Variants in RNF144B observed in about 807,000 individuals in gnomAD.
RNF144B encodes the protein E3 ubiquitin-protein ligase RNF144B.
In RNF144B, 25 loss-of-function variants were observed where a neutral mutation model predicts 40.2. That is an observed-to-expected ratio of 0.62 (90% confidence interval 0.45 to 0.87). The LOEUF is 0.87. Ranked by LOEUF, RNF144B falls within the 40% of genes least tolerant of loss-of-function variation. RNF144B has a pLI of 0.00. For missense variants in RNF144B, 365 were observed against 373.7 expected, an observed-to-expected ratio of 0.98 and a Z score of 0.19; for synonymous variants, 145 against 136.3, an observed-to-expected ratio of 1.06 and a Z score of -0.44.
chr6:18,417,722 AAG>A (rs1165841244), intron 2 of RNF144B, among the ~76,000 whole-genome samples: 1 of 152,184 alleles, frequency 6.6e-6, no homozygotes, highest in African/African-American at 2.4e-5. Context: ...ACAAAAGAAA[AAG>A]CAGATAAATT....
At position 18,443,799 on chromosome 6, in the gene RNF144B, T is replaced by C. The variant is rs1158883855; in HGVS notation, c.331+4055T>C. 6.6e-6 allele frequency among the ~76,000 whole-genome samples: 1 copy of C among 152,134 alleles called. No individual in the cohort carries two copies. Among genetic ancestry groups the C allele is most frequent in the African/African-American group, 2.4e-5 (1 of 41,420 alleles). On this transcript the variant is annotated intron_variant, in intron 4 of 7. Coordinates refer to ENST00000259939, the MANE Select transcript of RNF144B (RefSeq NM_182757.4). The surrounding 1 kb of genome is among the most constrained non-coding windows in gnomAD (Gnocchi z 4.7). ...CGAGACCTTCATCAGCTAGGTGACT[T>C]TGAGACTATGTTGTGAATATATATT...
At chr6:18,421,742 C>T (rs949122909) in intron 2 of RNF144B, among the ~76,000 whole-genome samples, 1 of 152,134 alleles carries the variant, frequency 6.6e-6, no homozygotes, top group Non-Finnish European at 1.5e-5. Context: ...TACACCTTTG[C>T]ACGCAGTTTG....
intron 2 of RNF144B, among the ~76,000 whole-genome samples, chr6:18,403,489 T>C (rs1011878879): frequency 6.6e-6 from 1 of 152,232 alleles, no homozygotes; most frequent in East Asian, 1.9e-4. Flanking sequence ...TTGCCTTTTT[T>C]CCATTACGTT....
chr6:18,399,775 T>C, intron 2 of RNF144B, 76 bp downstream of exon 2: 2 of 1,237,606 alleles, frequency 1.6e-6, no homozygotes. Context: ...ATTTCTGTGG[T>C]TTACTGAGAA....
chr6:18,389,154 G>A (rs1209804785), intron 1 of RNF144B, among the ~76,000 whole-genome samples: 3 of 152,136 alleles, frequency 2.0e-5, no homozygotes, highest in Non-Finnish European at 4.4e-5. Context: ...TCTTTGTGCT[G>A]AGTCCCAAAG....
chr6:18,418,380 T>C lies in RNF144B; in HGVS notation c.166-9201T>C, dbSNP rs1392351876. ...GTGGTATATTCACACAATGGCATAC[T>C]ATTCAGCAATAAAATAAATGAAGTA... On this transcript the variant is annotated intron_variant, in intron 2 of 7. Transcript: ENST00000259939. The surrounding 1 kb of genome is among the most constrained non-coding windows in gnomAD (Gnocchi z 5.2). Among the ~76,000 whole-genome samples, 1 of 152,248 alleles carries C rather than the reference T, an allele frequency of 6.6e-6. No homozygotes were observed. The highest frequency in any genetic ancestry group is 1.9e-4 in the East Asian group (1 of 5,202).
At chr6:18,408,016 A>G (rs1429536145) in intron 2 of RNF144B, among the ~76,000 whole-genome samples, 1 of 110,934 alleles carries the variant, frequency 9.0e-6, no homozygotes, top group Non-Finnish European at 1.8e-5. Context: ...ACAGAATCTC[A>G]TTTTGTTGCC....
At chr6:18,437,291 T>C (rs1758846194) in intron 3 of RNF144B, among the ~76,000 whole-genome samples, 1 of 151,988 alleles carries the variant, frequency 6.6e-6, no homozygotes, top group African/African-American at 2.4e-5. Context: ...ATTAAGAAAT[T>C]AGCCAGTTAT....
At chr6:18,387,709 G>T in intron 1 of RNF144B, 79 bp downstream of exon 1, 1 of 1,181,174 alleles carries the variant, frequency 8.5e-7, no homozygotes, top group Non-Finnish European at 1.1e-6. Context: ...AAAAGGACAG[G>T]AAACTCACTG....
intron 4 of RNF144B, among the ~76,000 whole-genome samples, chr6:18,449,968 A>C (rs10456827): frequency 0.12 from 17,601 of 152,210 alleles, 1,172 homozygotes; most frequent in Admixed American, 0.19. Context: ...GGAAAAACAA[A>C]TTGTATAAGT....
intron 4 of RNF144B, among the ~76,000 whole-genome samples, chr6:18,453,757 T>C (rs763121032): frequency 2.6e-5 from 4 of 152,244 alleles, no homozygotes; most frequent in Non-Finnish European, 5.9e-5. Context: ...GAAAAGACTT[T>C]AAAAGTCATC....
rs1759591760 is a variant in RNF144B at position 18,467,350 on chromosome 6, GA to G, written c.*2284del. 6.6e-6 allele frequency: 1 copy of G among 151,104 alleles called. No homozygotes were observed. 9.4% of individuals were successfully genotyped at this position (151,104 alleles called of 1,614,324 possible). ...ATATGTGCTATTTCCTTGGCGAGTTGAGGGAATTTGCCACCTTACAGAGTTT... is the reference window on the plus strand; with the variant it reads ...ATATGTGCTATTTCCTTGGCGAGTTGGGGAATTTGCCACCTTACAGAGTTT... On this transcript the variant is annotated 3_prime_UTR_variant, in exon 8 of 8. Coordinates refer to ENST00000259939, the MANE Select transcript of RNF144B (RefSeq NM_182757.4).
chr6:18,460,926 C>T lies in RNF144B; in HGVS notation c.681+1175C>T, dbSNP rs1417423170. 1.3e-5 allele frequency among the ~76,000 whole-genome samples: 2 copies of T among 152,160 alleles called. No homozygotes were observed. The highest frequency in any genetic ancestry group is 4.8e-5 in the African/African-American group (2 of 41,432). The stretch of plus-strand genomic sequence containing the variant: ...GCAATTTGGACCTCTAAAATATGTC[C>T]ATATCAGCGTAAGCCCTCAGTTACC... On this transcript the variant is annotated intron_variant, in intron 6 of 7. Coordinates refer to ENST00000259939, the MANE Select transcript of RNF144B (RefSeq NM_182757.4). The surrounding 1 kb of genome is among the most constrained non-coding windows in gnomAD (Gnocchi z 4.4).
At chr6:18,445,727 C>T (rs41440147) in intron 4 of RNF144B, among the ~76,000 whole-genome samples, 3,877 of 152,186 alleles carry the variant, frequency 0.025, 130 homozygotes, top group South Asian at 0.16. Flanking sequence ...AACTTTTTCC[C>T]ATCTCAAAGC....
intron 2 of RNF144B, among the ~76,000 whole-genome samples, chr6:18,404,220 C>A (rs1562041590): frequency 6.6e-6 from 1 of 152,206 alleles, no homozygotes; most frequent in South Asian, 2.1e-4. Flanking sequence ...TAACTGTTAC[C>A]TGCATTAGGA....
chr6:18,462,755 C>T (rs1431651297), intron 6 of RNF144B, among the ~76,000 whole-genome samples: 1 of 151,880 alleles, frequency 6.6e-6, no homozygotes, highest in Non-Finnish European at 1.5e-5. Flanking sequence ...TCAACGTGTC[C>T]AAACTTATCT....
intron 2 of RNF144B, among the ~76,000 whole-genome samples, chr6:18,408,921 A>G (rs949354534): frequency 1.1e-4 from 16 of 143,880 alleles, no homozygotes; most frequent in Admixed American, 7.4e-4. Flanking sequence ...GCCTCCACCT[A>G]TATAGTCCAG....
chr6:18,394,754 G>A (rs1168422343), intron 1 of RNF144B, among the ~76,000 whole-genome samples: 1 of 152,094 alleles, frequency 6.6e-6, no homozygotes. Context: ...CAATTCTAAT[G>A]ACAAGACACG....
chr6:18,453,417 C>T (rs1029550911), intron 4 of RNF144B, among the ~76,000 whole-genome samples: 1 of 152,130 alleles, frequency 6.6e-6, no homozygotes, highest in Non-Finnish European at 1.5e-5. Flanking sequence ...GGACTACAGG[C>T]ATGAGCTACT....
Sources: gnomAD v4.1 joint callset for allele counts (sites outside exome capture counted in the v4.1 genomes callset) on GRCh38, gnomAD v4.1.1 for gene constraint, Gnocchi (gnomAD v3.1) non-coding constraint, MANE v1.5 for transcripts, NCBI Gene and HGNC (gene_info 2026-07-23, HGNC 2026-07-21) for gene names.